IL1RAPL2: variants seen among roughly 807,000 people sequenced by gnomAD.
IL1RAPL2 encodes the protein X-linked interleukin-1 receptor accessory protein-like 2.
IL1RAPL2 carries 3 observed loss-of-function variants against 44.1 expected under a neutral mutation model. The ratio of observed to expected loss-of-function variants is 0.07; its 90% CI spans 0.03 to 0.18. IL1RAPL2 has a LOEUF of 0.18. Among genes scored for constraint, IL1RAPL2 ranks in the 10% least tolerant of loss-of-function variants. The pLI, the probability that IL1RAPL2 is intolerant of heterozygous loss-of-function variation, is 1.00. For synonymous variants in IL1RAPL2, 181 were observed against 178.8 expected (o/e 1.01, Z -0.10); for missense variants, 391 against 496.4 (o/e 0.79, Z 2.02).
chrX:104,700,431 C>T (rs1931255770), intron 2 of IL1RAPL2, among the ~76,000 whole-genome samples: 1 of 111,645 alleles, frequency 9.0e-6, no homozygotes, highest in African/African-American at 3.3e-5. Context: ...TCTTCTTACT[C>T]TTGTATTTTC....
intron 5 of IL1RAPL2, among the ~76,000 whole-genome samples, chrX:105,397,635 T>A (rs988432442): frequency 2.7e-5 from 3 of 111,109 alleles, no homozygotes; most frequent in African/African-American, 9.8e-5. Flanking sequence ...GAGAACTTGA[T>A]GGAATAAGAT....
intron 2 of IL1RAPL2, among the ~76,000 whole-genome samples, chrX:105,024,995 C>T (rs1401324092): frequency 9.2e-6 from 1 of 108,393 alleles, no homozygotes; most frequent in Non-Finnish European, 1.9e-5. Context: ...TCTTTCTGAA[C>T]CATTTTCTCT....
chrX:105,708,828 A>C (rs1269338665), intron 6 of IL1RAPL2, among the ~76,000 whole-genome samples: 1 of 112,062 alleles, frequency 8.9e-6, no homozygotes, highest in Non-Finnish European at 1.9e-5. Context: ...TAGATTGGCT[A>C]CTCTACAAAC....
intron 6 of IL1RAPL2, among the ~76,000 whole-genome samples, chrX:105,675,877 G>C (rs1427150456): frequency 9.0e-5 from 10 of 111,545 alleles, no homozygotes; most frequent in Admixed American, 8.6e-4. Context: ...CCTATTCCTG[G>C]TTCAGTCTTG....
chrX:105,442,548 C>T (rs2035928213), intron 5 of IL1RAPL2, among the ~76,000 whole-genome samples: 1 of 111,963 alleles, frequency 8.9e-6, no homozygotes, highest in African/African-American at 3.3e-5. Flanking sequence ...TAAAATCAGT[C>T]CCTAGCCTGT....
intron 3 of IL1RAPL2, among the ~76,000 whole-genome samples, chrX:105,228,118 G>A (rs1204432170): frequency 2.7e-5 from 3 of 111,870 alleles, no homozygotes; most frequent in African/African-American, 6.5e-5. Context: ...ACTGTAGATC[G>A]ATTAATTGAT....
At chrX:105,763,180 C>T (rs888168659) in intron 10 of IL1RAPL2, among the ~76,000 whole-genome samples, 6 of 111,862 alleles carry the variant, frequency 5.4e-5, no homozygotes, top group African/African-American at 1.9e-4. Context: ...TATATATGGT[C>T]TCTGTTGCAT....
At chrX:105,196,537 A>G (rs1556141431) in intron 3 of IL1RAPL2, among the ~76,000 whole-genome samples, 3 of 111,607 alleles carry the variant, frequency 2.7e-5, no homozygotes, top group African/African-American at 9.8e-5. Flanking sequence ...TAGAATTTGC[A>G]ATGCAAATTT....
At chrX:105,588,270 C>T (rs962942980) in intron 6 of IL1RAPL2, among the ~76,000 whole-genome samples, 9 of 111,040 alleles carry the variant, frequency 8.1e-5, no homozygotes, top group Admixed American at 1.9e-4. Flanking sequence ...ACAAGATCAC[C>T]GTGTATTATT....
At chrX:105,034,976 A>C (rs1190501400) in intron 2 of IL1RAPL2, among the ~76,000 whole-genome samples, 1 of 105,140 alleles carries the variant, frequency 9.5e-6, no homozygotes, top group Non-Finnish European at 1.9e-5. Context: ...GCCACCTTGC[A>C]GTTTGATCTC....
intron 2 of IL1RAPL2, among the ~76,000 whole-genome samples, chrX:105,082,373 T>C (rs1771151687): frequency 8.9e-6 from 1 of 111,972 alleles, no homozygotes; most frequent in South Asian, 3.7e-4. Context: ...TATTTTCTTC[T>C]TTGTTAATCT....
chrX:105,516,975 A>G (rs2036519419), intron 6 of IL1RAPL2, among the ~76,000 whole-genome samples: 1 of 111,871 alleles, frequency 8.9e-6, no homozygotes, highest in Non-Finnish European at 1.9e-5. Context: ...TTGTGGGACT[A>G]GCTAGGATAG....
chrX:104,943,061 A>T (rs759195532), intron 2 of IL1RAPL2, among the ~76,000 whole-genome samples: 52 of 111,585 alleles, frequency 4.7e-4, no homozygotes, highest in African/African-American at 1.5e-3. Context: ...TTCGTGGTGG[A>T]TAAGCTTTTT....
intron 2 of IL1RAPL2, among the ~76,000 whole-genome samples, chrX:105,155,300 G>T (rs780546497): frequency 1.1e-4 from 12 of 111,101 alleles, no homozygotes; most frequent in Admixed American, 1.9e-4. Flanking sequence ...TGTCATTGTT[G>T]GTTGAGATAA....
chrX:104,794,236 T>A (rs1453520108), intron 2 of IL1RAPL2, among the ~76,000 whole-genome samples: 1 of 111,870 alleles, frequency 8.9e-6, no homozygotes, highest in African/African-American at 3.3e-5. Flanking sequence ...GCCTGGTATC[T>A]TCAGAGAATA....
intron 1 of IL1RAPL2, among the ~76,000 whole-genome samples, chrX:104,643,873 A>G (rs1183681901): frequency 1.8e-5 from 2 of 111,734 alleles, no homozygotes; most frequent in Non-Finnish European, 3.8e-5. Flanking sequence ...TAGTAAAATT[A>G]CTTAGCTCAC....
chrX:105,655,742 G>A (rs1401738035), intron 6 of IL1RAPL2, among the ~76,000 whole-genome samples: 1 of 111,953 alleles, frequency 8.9e-6, no homozygotes, highest in Non-Finnish European at 1.9e-5. Flanking sequence ...TAGACCATTG[G>A]CATCAACATG....
At chrX:104,756,520 T>G (rs1487501765) in intron 2 of IL1RAPL2, among the ~76,000 whole-genome samples, 1 of 110,948 alleles carries the variant, frequency 9.0e-6, no homozygotes, top group Non-Finnish European at 1.9e-5. Flanking sequence ...AAGTCTTTTT[T>G]TGTTCATTGT....
intron 6 of IL1RAPL2, among the ~76,000 whole-genome samples, chrX:105,486,541 C>CTTA (rs2036267679): frequency 9.0e-6 from 1 of 110,764 alleles, no homozygotes; most frequent in African/African-American, 3.3e-5. Context: ...CCCTTACTGA[C>CTTA]TGTATGATAC....
Sources: allele counts gnomAD v4.1 joint callset (sites outside exome capture counted in the v4.1 genomes callset), GRCh38; gene constraint gnomAD v4.1.1; transcripts MANE v1.5; gene names NCBI Gene and HGNC (gene_info 2026-07-23, HGNC 2026-07-21).